Variants in FERMT1 observed in about 807,000 individuals in gnomAD.
FERMT1 encodes FERM domain containing kindlin 1.
FERMT1 carries 60 observed loss-of-function variants against 85.3 expected under a neutral mutation model. The ratio of observed to expected loss-of-function variants is 0.70; its 90% CI spans 0.57 to 0.87. FERMT1 has a LOEUF of 0.87. Ranked by LOEUF, FERMT1 falls within the 40% of genes least tolerant of loss-of-function variation. The pLI, the probability that FERMT1 is intolerant of heterozygous loss-of-function variation, is 0.00. For synonymous variants in FERMT1, 275 were observed against 301.1 expected, an observed-to-expected ratio of 0.91 and a Z score of 0.90; for missense variants, 701 against 818.9, an observed-to-expected ratio of 0.86 and a Z score of 1.76.
intron 4 of FERMT1, among the ~76,000 whole-genome samples, chr20:6,111,890 G>T (rs1305473111): frequency 4.7e-5 from 7 of 149,462 alleles, no homozygotes; most frequent in Non-Finnish European, 1.0e-4. Context: ...TTGAGACAGG[G>T]TCTTGCTCTG....
At chr20:6,117,456 T>G (rs1399215604) in intron 2 of FERMT1, among the ~76,000 whole-genome samples, 1 of 128,872 alleles carries the variant, frequency 7.8e-6, no homozygotes, top group Non-Finnish European at 1.7e-5. Flanking sequence ...TTTTTTGAGA[T>G]GGAGTCTCAC....
intron 4 of FERMT1, among the ~76,000 whole-genome samples, chr20:6,111,703 T>G (rs1331547189): frequency 6.6e-6 from 1 of 151,978 alleles, no homozygotes; most frequent in Non-Finnish European, 1.5e-5. Context: ...AGCTAGAGAT[T>G]TGATTGTTTT....
chr20:6,101,066 C>A lies in FERMT1; in HGVS notation c.850-3435G>T, dbSNP rs141870000. 1.7e-3 allele frequency among the ~76,000 whole-genome samples: 264 copies of A among 152,250 alleles called. 1 individual carries two copies. The highest frequency in any genetic ancestry group is 6.1e-3 in the African/African-American group (255 of 41,550). On this transcript the variant is annotated intron_variant, in intron 6 of 14. Transcript: ENST00000217289. ...CTCACTAATTACTAGAGAATTCAAA[C>A]GAAAACAAGATGACCTAATTTCCAT...
At chr20:6,088,068 A>G (rs781660990) in intron 10 of FERMT1, among the ~76,000 whole-genome samples, 185 bp from the exon 11 acceptor site, 1 of 151,948 alleles carries the variant, frequency 6.6e-6, no homozygotes, top group Non-Finnish European at 1.5e-5. Flanking sequence ...AACAATTAAC[A>G]TAGATAAAGA....
In FERMT1 at chr20:6,104,678, C is replaced by G. The variant is rs531222653; in HGVS notation, c.849+2854G>C. Among the ~76,000 whole-genome samples the G allele has an allele frequency of 6.6e-6, 1 of 152,158 alleles. No individual in the cohort carries two copies. The highest frequency in any genetic ancestry group is 1.5e-5 in the Non-Finnish European group (1 of 68,030). On this transcript the variant is annotated intron_variant, in intron 6 of 14. Transcript: ENST00000217289. This position sits in a 1 kb window ranked among gnomAD's most constrained non-coding sequence, Gnocchi z 4.2. ...AAGAGGGAGCTCCTCACCAATTAAG[C>G]GGGCAGAGGCTGGAGGCCAAAGAGC...
chr20:6,114,091 A>G (rs2123147587), intron 3 of FERMT1, among the ~76,000 whole-genome samples: 1 of 152,306 alleles, frequency 6.6e-6, no homozygotes, highest in Non-Finnish European at 1.5e-5. Context: ...CATTTCGTTC[A>G]TATACTGCTC....
Position 6,076,606 on chromosome 20 carries a change from G to A in FERMT1, c.*567C>T, listed in dbSNP as rs565407541. On this transcript the variant is annotated 3_prime_UTR_variant, in exon 15 of 15. Coordinates refer to ENST00000217289, the MANE Select transcript of FERMT1 (RefSeq NM_017671.5). ...CTCCTCTGACCTTGGGTTGTCAACT[G>A]CTACCTGGTAGCCCCACCCCTCCCC... is the stretch of plus-strand genomic sequence containing the variant. The A allele has an allele frequency of 2.5e-6, 1 of 403,422 alleles. No homozygotes were observed. Among genetic ancestry groups the A allele is most frequent in the East Asian group, 7.3e-5 (1 of 13,704 alleles). The allele number at this position is 403,422 out of a possible 1,614,324, so 25.0% of individuals were successfully genotyped here.
intron 4 of FERMT1, 116 bp from the exon 5 acceptor site, chr20:6,110,627 T>G (rs1982921607): frequency 1.2e-6 from 1 of 849,128 alleles, no homozygotes. Flanking sequence ...TGGCACCATT[T>G]AAAATAATAT....
At chr20:6,081,467 G>A (rs1338246803) in intron 13 of FERMT1, among the ~76,000 whole-genome samples, 1 of 152,174 alleles carries the variant, frequency 6.6e-6, no homozygotes, top group Non-Finnish European at 1.5e-5. Flanking sequence ...AAATGCTGCG[G>A]AGAGGGTAGC....
At chr20:6,097,379 TA>T in intron 7 of FERMT1, 144 bp downstream of exon 7, 1 of 708,780 alleles carries the variant, frequency 1.4e-6, no homozygotes, top group Non-Finnish European at 2.4e-6. Context: ...GAAAGCAAAA[TA>T]AAAAATACAG....
At chr20:6,102,396 G>C (rs1441618525) in intron 6 of FERMT1, among the ~76,000 whole-genome samples, 1 of 152,024 alleles carries the variant, frequency 6.6e-6, no homozygotes, top group East Asian at 1.9e-4. Context: ...TGAAAATAGA[G>C]ATGGGCACGG....
intron 8 of FERMT1, among the ~76,000 whole-genome samples, chr20:6,095,861 G>GTA (rs1982485653): frequency 6.6e-6 from 1 of 152,178 alleles, no homozygotes; most frequent in East Asian, 1.9e-4. Flanking sequence ...TACATTGAAT[G>GTA]CAGAAGAATA....
chr20:6,080,310 T>TTG (rs141032092), intron 13 of FERMT1, among the ~76,000 whole-genome samples: 24 of 151,688 alleles, frequency 1.6e-4, no homozygotes, highest in Non-Finnish European at 3.2e-4. Flanking sequence ...CCTTCAGATT[T>TTG]TGTGTGTGTG....
chr20:6,087,771 A>C lies in FERMT1; in HGVS notation c.1371+6T>G. On this transcript the variant is annotated splice_donor_region_variant and intron_variant, in intron 11 of 14. Transcript: ENST00000217289. ...AGTGACTTAATATTTTTGGGGTTTT[A>C]CTCACATGGTCACATCTCAAATACA... is the stretch of plus-strand genomic sequence containing the variant. 1 of 1,505,716 alleles carries C rather than the reference A, an allele frequency of 6.6e-7. No homozygotes were observed. Among genetic ancestry groups the C allele is most frequent in the South Asian group, 1.1e-5 (1 of 88,840 alleles). The allele number at this position is 1,505,716 out of a possible 1,614,324, so 93.3% of individuals were successfully genotyped here.
intron 1 of FERMT1, among the ~76,000 whole-genome samples, chr20:6,120,706 C>T (rs73074396): frequency 0.034 from 5,230 of 152,216 alleles, 122 homozygotes; most frequent in South Asian, 0.072. Context: ...TAAGAAACAT[C>T]AATGCACTCA....
At position 6,097,079 on chromosome 20, in the gene FERMT1, T is replaced by C. The variant is rs6076938; in HGVS notation, c.958-46A>G. 454,628 of 1,348,974 alleles carry C rather than the reference T, an allele frequency of 0.34. 69,021 individuals are homozygous for C. The highest frequency in any genetic ancestry group is 0.46 in the South Asian group (36,843 of 80,188). The allele number at this position is 1,348,974 out of a possible 1,614,324, so 83.6% of individuals were successfully genotyped here. On this transcript the variant is annotated intron_variant, in intron 7 of 14. Transcript: ENST00000217289. ...TTAGAAATGTTATAAACAGAAATGT[T>C]ATAAATATAAATGAATCCATTAGCC...
chr20:6,090,802 T>C (rs1472746307), intron 9 of FERMT1, among the ~76,000 whole-genome samples: 4 of 152,148 alleles, frequency 2.6e-5, no homozygotes, highest in Non-Finnish European at 4.4e-5. Context: ...ATATAATTTA[T>C]AAAATAAATT....
chr20:6,087,904 A>T, intron 10 of FERMT1, 21 bp from the exon 11 acceptor site: 1 of 1,384,380 alleles, frequency 7.2e-7, no homozygotes, highest in Non-Finnish European at 1.0e-6. Context: ...AAGATCAGAG[A>T]CAAAACTGAG....
intron 2 of FERMT1, 55 bp from the exon 3 acceptor site, chr20:6,116,099 T>C (rs1983091392): frequency 8.1e-7 from 1 of 1,232,026 alleles, no homozygotes; most frequent in African/African-American, 1.5e-5. Context: ...GCTTGGAGGG[T>C]CCTGGAGCTG....
Sources: allele counts gnomAD v4.1 joint callset (sites outside exome capture counted in the v4.1 genomes callset), GRCh38; gene constraint gnomAD v4.1.1; non-coding constraint Gnocchi (gnomAD v3.1); transcripts MANE v1.5; gene names NCBI Gene and HGNC (gene_info 2026-07-23, HGNC 2026-07-21).